PYM1: variants seen among roughly 807,000 people sequenced by gnomAD.
PYM1 encodes the protein PYM1 exon junction complex associated factor, also known as partner of Y14 and mago.
A neutral mutation model predicts 20.7 loss-of-function variants in PYM1; 7 were observed. The ratio of observed to expected loss-of-function variants is 0.34; its 90% CI spans 0.19 to 0.64. The LOEUF (loss-of-function observed/expected upper bound fraction) is 0.64. Ranked by LOEUF, PYM1 falls within the 30% of genes least tolerant of loss-of-function variation. The pLI is 0.74. For missense variants in PYM1, 194 were observed against 250.0 expected, an observed-to-expected ratio of 0.78 and a Z score of 1.51; for synonymous variants, 100 against 99.2, an observed-to-expected ratio of 1.01 and a Z score of -0.05.
At chr12:55,905,987 A>ATCTATTAGATATATATATTATT (rs1565714584) in intron 1 of PYM1, among the ~76,000 whole-genome samples, 4 of 124,492 alleles carry the variant, frequency 3.2e-5, no homozygotes, top group African/African-American at 7.6e-5. Context: ...TATTATATAT[A>ATCTATTAGATATATATATTATT]ATATAAAATA....
intron 1 of PYM1, among the ~76,000 whole-genome samples, chr12:55,907,357 G>C (rs1333244195): frequency 6.6e-6 from 1 of 150,874 alleles, no homozygotes; most frequent in African/African-American, 2.4e-5. Context: ...CCAGCACTTT[G>C]GGAGGCCGAG....
intron 1 of PYM1, among the ~76,000 whole-genome samples, chr12:55,911,359 G>A (rs369664102): frequency 4.0e-5 from 6 of 151,762 alleles, no homozygotes; most frequent in East Asian, 2.0e-4. Context: ...TGATCCACCC[G>A]CCTCGGCCTC....
intron 1 of PYM1, among the ~76,000 whole-genome samples, chr12:55,919,819 C>T (rs1883068153): frequency 6.6e-6 from 1 of 151,730 alleles, no homozygotes; most frequent in East Asian, 1.9e-4. Flanking sequence ...ATAGCTTGAG[C>T]CCAGTTGGCA....
intron 1 of PYM1, among the ~76,000 whole-genome samples, chr12:55,905,944 ATAT>A (rs1273188672): frequency 3.2e-5 from 4 of 125,398 alleles, no homozygotes; most frequent in African/African-American, 1.0e-4. Flanking sequence ...ATAGATATAT[ATAT>A]TATTATATAT....
At chr12:55,908,104 G>A (rs761960373) in intron 1 of PYM1, among the ~76,000 whole-genome samples, 5 of 151,752 alleles carry the variant, frequency 3.3e-5, no homozygotes, top group South Asian at 2.1e-4. Context: ...ATATCCAGGC[G>A]TGGTGGCGGG....
At position 55,913,013 on chromosome 12, in the gene PYM1, G is replaced by T. The variant is rs184432802; in HGVS notation, c.38-9533C>A. Among the ~76,000 whole-genome samples, 255 of 151,936 alleles carry T rather than the reference G, an allele frequency of 1.7e-3. 3 individuals are homozygous for T. The highest frequency in any genetic ancestry group is 6.0e-3 in the African/African-American group (250 of 41,474). On this transcript the variant is annotated intron_variant, in intron 1 of 2. Transcript: ENST00000408946. The stretch of plus-strand genomic sequence containing the variant: ...CTAAAATATTCACAAATCTCAACCT[G>T]ACCCATGTCTCTATTCTCTGTACCT...
At chr12:55,923,008 C>G (rs1883126607) in intron 1 of PYM1, among the ~76,000 whole-genome samples, 1 of 151,510 alleles carries the variant, frequency 6.6e-6, no homozygotes, top group South Asian at 2.1e-4. Flanking sequence ...GGCAGATCAC[C>G]CGAGGTCAGG....
In PYM1 at chr12:55,924,066, ACT is replaced by A. The variant is rs370836596; in HGVS notation, c.37+3657_37+3658del. Among the ~76,000 whole-genome samples, 112 of 149,592 alleles carry A rather than the reference ACT, an allele frequency of 7.5e-4. 1 individual carries two copies. Among genetic ancestry groups the A allele is most frequent in the African/African-American group, 2.6e-3 (106 of 40,576 alleles). On this transcript the variant is annotated intron_variant, in intron 1 of 2. Transcript: ENST00000408946. ...ACTCCAGCCTGGGCGACAGAGTGAG[ACT>A]CTGTCTCAAAGAAAAAAAAAAAAAG...
At chr12:55,915,763 C>G (rs1882995504) in intron 1 of PYM1, among the ~76,000 whole-genome samples, 1 of 152,074 alleles carries the variant, frequency 6.6e-6, no homozygotes, top group Non-Finnish European at 1.5e-5. Flanking sequence ...AGGAAAACCT[C>G]ATTTGACACT....
chr12:55,926,752 G>A (rs1883195354), intron 1 of PYM1, among the ~76,000 whole-genome samples: 1 of 152,108 alleles, frequency 6.6e-6, no homozygotes, highest in Non-Finnish European at 1.5e-5. Flanking sequence ...GGAAATGAGA[G>A]TGTAGAAGCC....
chr12:55,902,245 G>A lies in PYM1; in HGVS notation c.242C>T (p.Pro81Leu). The change falls in exon 3 of 3, where the codon CCA becomes CTA. Residue 81 changes from proline to leucine, a missense_variant. Pro to Leu is a moderately conservative substitution (Grantham distance 98). This residue lies in a region of PYM1 where 158 missense variants were observed against 179.0 expected (regional missense o/e 0.88). Transcript: ENST00000408946. ...ACGTTTGGCTGTCTTGGAGAGGCCT[G>A]GTTCACCACCTTCAGGCCTGGATGG... ...VTPSRPEGGEPGLSKTAKRNL... is the reference protein window; with the variant it reads ...VTPSRPEGGELGLSKTAKRNL... The A allele has an allele frequency of 6.2e-7, 1 of 1,614,152 alleles. No homozygotes were observed. The highest frequency in any genetic ancestry group is 8.5e-7 in the Non-Finnish European group (1 of 1,180,024).
At chr12:55,917,142 C>T (rs933718526) in intron 1 of PYM1, among the ~76,000 whole-genome samples, 2 of 150,888 alleles carry the variant, frequency 1.3e-5, no homozygotes, top group African/African-American at 4.9e-5. Context: ...GTCAGCTGGG[C>T]GCAGTGGCTC....
chr12:55,911,557 G>A (rs1164529691), intron 1 of PYM1, among the ~76,000 whole-genome samples: 4 of 152,054 alleles, frequency 2.6e-5, no homozygotes, highest in East Asian at 1.9e-4. Flanking sequence ...AGTAAGTAAC[G>A]AGGCCAGCCA....
At chr12:55,908,224 CAGAG>C (rs756395815) in intron 1 of PYM1, among the ~76,000 whole-genome samples, 1 of 151,656 alleles carries the variant, frequency 6.6e-6, no homozygotes, top group Non-Finnish European at 1.5e-5. Flanking sequence ...ACCTGGGCGA[CAGAG>C]AAAGACTCCA....
chr12:55,917,497 G>A (rs551910048), intron 1 of PYM1, among the ~76,000 whole-genome samples: 1 of 152,208 alleles, frequency 6.6e-6, no homozygotes. Flanking sequence ...GTCCTTTGTA[G>A]CAACATGGAT....
intron 1 of PYM1, among the ~76,000 whole-genome samples, chr12:55,918,511 T>C (rs1381317729): frequency 6.6e-6 from 1 of 152,118 alleles, no homozygotes; most frequent in African/African-American, 2.4e-5. Flanking sequence ...CGTAGGAGGA[T>C]CACTTGAGCC....
chr12:55,915,598 G>GT (rs1466516154), intron 1 of PYM1, among the ~76,000 whole-genome samples: 2 of 147,980 alleles, frequency 1.4e-5, no homozygotes, highest in African/African-American at 2.5e-5. Context: ...GAAAAGTACC[G>GT]TAAGTGCCAA....
chr12:55,925,855 T>C (rs924384537), intron 1 of PYM1, among the ~76,000 whole-genome samples: 1 of 152,134 alleles, frequency 6.6e-6, no homozygotes, highest in African/African-American at 2.4e-5. Flanking sequence ...ACTGGATAAG[T>C]AGTATTTTCA....
At chr12:55,920,692 A>T (rs1373530246) in intron 1 of PYM1, among the ~76,000 whole-genome samples, 1 of 152,104 alleles carries the variant, frequency 6.6e-6, no homozygotes, top group Non-Finnish European at 1.5e-5. Flanking sequence ...GCCGAAAAAG[A>T]TGCATGCACA....
Sources: allele counts gnomAD v4.1 joint callset (sites outside exome capture counted in the v4.1 genomes callset), GRCh38; gene constraint gnomAD v4.1.1; regional missense constraint gnomAD v4.1.1; transcripts MANE v1.5; gene names NCBI Gene and HGNC (gene_info 2026-07-23, HGNC 2026-07-21).